The following ZCCHC14 variants were observed in gnomAD, a reference collection of about 807,000 sequenced individuals.
ZCCHC14 encodes the protein zinc finger CCHC domain-containing protein 14.
A neutral mutation model predicts 85.0 loss-of-function variants in ZCCHC14; 16 were observed. The ratio of observed to expected loss-of-function variants is 0.19; its 90% CI spans 0.13 to 0.29. ZCCHC14 has a LOEUF of 0.29. Among genes scored for constraint, ZCCHC14 ranks in the 10% least tolerant of loss-of-function variants. The probability of loss-of-function intolerance (pLI) is 1.00; values close to 1 mark genes in which losing one functional copy is unlikely to be tolerated. For missense variants in ZCCHC14, 1,303 were observed against 1,443.5 expected, an observed-to-expected ratio of 0.90 and a Z score of 1.58; for synonymous variants, 775 against 630.7, an observed-to-expected ratio of 1.23 and a Z score of -3.43.
At chr16:87,453,600 C>G (rs949762248) in intron 2 of ZCCHC14, among the ~76,000 whole-genome samples, 2 of 152,258 alleles carry the variant, frequency 1.3e-5, no homozygotes, top group South Asian at 2.1e-4. Flanking sequence ...CTTCGCACAG[C>G]TGGTGCGGTC....
intron 2 of ZCCHC14, among the ~76,000 whole-genome samples, chr16:87,445,271 T>G (rs938840309): frequency 6.6e-6 from 1 of 152,152 alleles, no homozygotes; most frequent in Non-Finnish European, 1.5e-5. Flanking sequence ...TTCACCATGT[T>G]GACCAGGATG....
intron 2 of ZCCHC14, among the ~76,000 whole-genome samples, chr16:87,448,648 T>A (rs1910550914): frequency 6.6e-6 from 1 of 152,206 alleles, no homozygotes; most frequent in South Asian, 2.1e-4. Flanking sequence ...CACTTTTACA[T>A]CCCAACAACT....
chr16:87,439,753 G>A (rs1324655538), intron 2 of ZCCHC14, among the ~76,000 whole-genome samples: 1 of 152,098 alleles, frequency 6.6e-6, no homozygotes, highest in African/African-American at 2.4e-5. Context: ...AGATCTTAGA[G>A]GATGATTAAA....
At chr16:87,422,660 C>T (rs541275621) in intron 4 of ZCCHC14, among the ~76,000 whole-genome samples, 4 of 151,488 alleles carry the variant, frequency 2.6e-5, no homozygotes, top group African/African-American at 4.9e-5. Flanking sequence ...TGCTTGAAGC[C>T]GGGAGGTGGA....
chr16:87,436,938 A>T (rs984809758), intron 2 of ZCCHC14, among the ~76,000 whole-genome samples: 22 of 152,166 alleles, frequency 1.4e-4, no homozygotes, highest in African/African-American at 4.8e-4. Flanking sequence ...ACCTATCTGC[A>T]CGCAGACACT....
At chr16:87,438,008 C>G (rs936607268) in intron 2 of ZCCHC14, among the ~76,000 whole-genome samples, 1 of 152,264 alleles carries the variant, frequency 6.6e-6, no homozygotes, top group African/African-American at 2.4e-5. Flanking sequence ...CCAGGACCAT[C>G]TCACACCTGC....
chr16:87,477,402 G>C (rs1221423424), intron 1 of ZCCHC14, among the ~76,000 whole-genome samples: 9 of 152,200 alleles, frequency 5.9e-5, no homozygotes, highest in Admixed American at 3.9e-4. Flanking sequence ...CGCGCACATG[G>C]GGCAGCCCCG....
intron 2 of ZCCHC14, among the ~76,000 whole-genome samples, chr16:87,449,167 G>C (rs1219960277): frequency 6.6e-6 from 1 of 152,194 alleles, no homozygotes; most frequent in African/African-American, 2.4e-5. Context: ...GGGTGCTCCT[G>C]AGCTCTGCTG....
chr16:87,433,277 C>T (rs1909754183), intron 2 of ZCCHC14, 76 bp from the exon 3 acceptor site: 1 of 1,416,332 alleles, frequency 7.1e-7, no homozygotes, highest in African/African-American at 1.4e-5. Context: ...ATTTGATATT[C>T]AGCAGTTTTC....
At chr16:87,464,052 C>G (rs541897564) in intron 1 of ZCCHC14, among the ~76,000 whole-genome samples, 11 of 152,348 alleles carry the variant, frequency 7.2e-5, no homozygotes, top group Non-Finnish European at 1.6e-4. Flanking sequence ...AACCTTCCTG[C>G]CCCAAAAAGA....
At chr16:87,445,070 CT>C (rs56137815) in intron 2 of ZCCHC14, among the ~76,000 whole-genome samples, 92,470 of 140,446 alleles carry the variant, frequency 0.66, 34,406 homozygotes, top group Non-Finnish European at 0.86. Context: ...TCAAAATAAA[CT>C]TTTTTTTTTT....
intron 1 of ZCCHC14, among the ~76,000 whole-genome samples, chr16:87,488,327 C>A (rs567894556): frequency 1.2e-3 from 176 of 152,252 alleles, no homozygotes; most frequent in Non-Finnish European, 2.2e-3. Flanking sequence ...CTGGAACAGG[C>A]GACTGCAGGA....
chr16:87,477,275 C>T lies in ZCCHC14; in HGVS notation c.570+14394G>A, dbSNP rs1467565182. On this transcript the variant is annotated intron_variant, in intron 1 of 12. Transcript: ENST00000671377. ...GGAACCCCAACAAAATATCAGACTG[C>T]GGTACTGAGGACTATCAGTTACACA... 4.6e-5 allele frequency among the ~76,000 whole-genome samples: 7 copies of T among 152,290 alleles called. No individual in the cohort carries two copies. The South Asian group carries it at 6.2e-4, about 14-fold the overall frequency.
chr16:87,464,922 G>A (rs946483221), intron 1 of ZCCHC14, among the ~76,000 whole-genome samples: 1 of 152,184 alleles, frequency 6.6e-6, no homozygotes, highest in Admixed American at 6.5e-5. Context: ...AAGACTGACC[G>A]GCTCCAAAGG....
intron 2 of ZCCHC14, among the ~76,000 whole-genome samples, chr16:87,444,038 G>GAAAAAAAAA (rs56352252): frequency 1.8e-4 from 14 of 77,052 alleles, no homozygotes; most frequent in Admixed American, 4.6e-4. Flanking sequence ...CTCTATCACA[G>GAAAAAAAAA]AAAAAAAAAA....
Position 87,470,965 on chromosome 16 carries a change from C to A in ZCCHC14, c.571-10834G>T, listed in dbSNP as rs565372290. 22 of 152,178 alleles carry A rather than the reference C, an allele frequency of 1.4e-4. No homozygotes were observed. The East Asian group carries it at 4.0e-3, about 28-fold the overall frequency. 9.4% of individuals were successfully genotyped at this position (152,178 alleles called of 1,614,324 possible). A position where few individuals can be genotyped will look rare whatever the true frequency, so the allele number is the denominator to read the frequency against. ...CAGATATTAAGTCTAAATATAAATA[C>A]CTCCCTACAAGATGTGAATGATATG... On this transcript the variant is annotated intron_variant, in intron 1 of 12. Transcript: ENST00000671377.
chr16:87,457,629 A>G (rs1044170733), intron 2 of ZCCHC14, among the ~76,000 whole-genome samples: 1 of 152,228 alleles, frequency 6.6e-6, no homozygotes, highest in Non-Finnish European at 1.5e-5. Context: ...CACTCTATAA[A>G]TTAAACTGTA....
At position 87,412,387 on chromosome 16, in the gene ZCCHC14, C is replaced by T. The variant is rs148119228; in HGVS notation, c.2334G>A (p.Leu778=). 6.2e-7 allele frequency: 1 copy of T among 1,614,206 alleles called. No individual in the cohort carries two copies. The highest frequency in any genetic ancestry group is 8.5e-7 in the Non-Finnish European group (1 of 1,180,042). Residue 778 remains leucine, a synonymous_variant, in exon 12 of 13, where the codon CTG becomes CTA. Coordinates refer to ENST00000671377, the MANE Select transcript of ZCCHC14 (RefSeq NM_015144.3). ...CAGAATCAGCAGGAACAGATGACGA[C>T]AGCAGCAGTTTGATGGGCGGACGGG... ...HAARPPIKLL[L]SSSVPADSAI... is the part of the protein sequence containing the mutation.
intron 12 of ZCCHC14, 116 bp downstream of exon 12, chr16:87,411,400 G>A (rs1463129242): frequency 2.6e-6 from 4 of 1,523,624 alleles, no homozygotes; most frequent in Non-Finnish European, 3.5e-6. Flanking sequence ...CTTTCAAAGA[G>A]CATTCGAAAA....
Sources: gnomAD v4.1 joint callset for allele counts (sites outside exome capture counted in the v4.1 genomes callset) on GRCh38, gnomAD v4.1.1 for gene constraint, MANE v1.5 for transcripts, NCBI Gene and HGNC (gene_info 2026-07-23, HGNC 2026-07-21) for gene names.